ZFP64: variants seen among roughly 807,000 people sequenced by gnomAD.
The protein encoded by ZFP64 is zinc finger protein 64.
Under a neutral mutation model 51.6 loss-of-function variants are expected in ZFP64, and 14 were observed. The observed-to-expected ratio is 0.27, with a 90% CI of 0.18 to 0.42. The LOEUF (loss-of-function observed/expected upper bound fraction) is 0.42, where lower values mean the gene tolerates loss of function less well. Among genes scored for constraint, ZFP64 ranks in the 10% least tolerant of loss-of-function variants. The pLI is 1.00. For synonymous variants in ZFP64, 375 were observed against 361.4 expected, an observed-to-expected ratio of 1.04 and a Z score of -0.43; for missense variants, 754 against 906.8, an observed-to-expected ratio of 0.83 and a Z score of 2.16.
chr20:52,142,347 G>A (rs369853934), intron 5 of ZFP64, among the ~76,000 whole-genome samples: 10 of 128,808 alleles, frequency 7.8e-5, no homozygotes, highest in South Asian at 5.0e-4. Flanking sequence ...CAGCCTAGGC[G>A]ACAGAGTGAG....
intron 7 of ZFP64, among the ~76,000 whole-genome samples, chr20:52,090,364 G>C (rs767477663): frequency 6.6e-6 from 1 of 152,020 alleles, no homozygotes; most frequent in Non-Finnish European, 1.5e-5. Context: ...GAAGATAGTT[G>C]ATATATGACT....
intron 8 of ZFP64, among the ~76,000 whole-genome samples, chr20:52,087,435 A>G (rs1680668139): frequency 6.6e-6 from 1 of 152,042 alleles, no homozygotes; most frequent in Non-Finnish European, 1.5e-5. Flanking sequence ...TGTTCTCATT[A>G]TCTCTTCATA....
At chr20:52,095,486 G>A (rs1342101275) in intron 7 of ZFP64, among the ~76,000 whole-genome samples, 1 of 151,328 alleles carries the variant, frequency 6.6e-6, no homozygotes, top group Non-Finnish European at 1.5e-5. Context: ...TTGAGTCCCA[G>A]TAGTGACAAA....
intron 5 of ZFP64, among the ~76,000 whole-genome samples, chr20:52,112,465 T>G (rs1042248103): frequency 1.3e-5 from 2 of 152,238 alleles, no homozygotes; most frequent in Non-Finnish European, 2.9e-5. Context: ...AGAATTCCCA[T>G]GCTTTCATAG....
intron 5 of ZFP64, among the ~76,000 whole-genome samples, chr20:52,100,248 C>T (rs2079036238): frequency 6.7e-6 from 1 of 149,772 alleles, no homozygotes; most frequent in Non-Finnish European, 1.5e-5. Context: ...CTCGGCCTCC[C>T]AAAGTTTTTT....
At chr20:52,084,473 T>C (rs2078842409) in exon 9 of ZFP64, 2 of 1,353,008 alleles carry the variant, frequency 1.5e-6, no homozygotes, top group South Asian at 2.9e-5. Context: ...GCCCAAAGCC[T>C]GTCTCTCAGT....
At chr20:52,165,775 A>G in intron 3 of ZFP64, 89 bp downstream of exon 3, 1 of 1,549,060 alleles carries the variant, frequency 6.5e-7, no homozygotes, top group Non-Finnish European at 8.9e-7. Context: ...CACATCCATG[A>G]GCAGTTGTCA....
chr20:52,114,503 G>A (rs994977197), intron 5 of ZFP64, among the ~76,000 whole-genome samples: 2 of 152,194 alleles, frequency 1.3e-5, no homozygotes, highest in African/African-American at 4.8e-5. Context: ...ACATGGAAGG[G>A]ATGTTCCATC....
At chr20:52,166,951 C>A (rs951354490) in intron 2 of ZFP64, among the ~76,000 whole-genome samples, 2 of 149,802 alleles carry the variant, frequency 1.3e-5, no homozygotes, top group East Asian at 1.9e-4. Context: ...TATTTCCCCC[C>A]CTCAAAAAAT....
chr20:52,139,022 A>T (rs1833385294), intron 5 of ZFP64, among the ~76,000 whole-genome samples: 1 of 152,224 alleles, frequency 6.6e-6, no homozygotes, highest in African/African-American at 2.4e-5. Flanking sequence ...ACCATGAAAA[A>T]GTCAGAAAAC....
chr20:52,112,863 C>A (rs1218008456), intron 5 of ZFP64, among the ~76,000 whole-genome samples: 1 of 152,170 alleles, frequency 6.6e-6, no homozygotes, highest in East Asian at 1.9e-4. Flanking sequence ...GTGATCCTCC[C>A]ACCTCGGCCT....
rs1199089003 is a variant in ZFP64, at chr20:52,142,223, C to T, written c.763+17900G>A. On this transcript the variant is annotated intron_variant, in intron 5 of 8. Transcript: ENST00000361387. ...TCTCTACTAAAAATACAAAAATTAG[C>T]TGGGCATGGTGGCATGTGCCTGTGA... Among the ~76,000 whole-genome samples, 3 of 152,010 alleles carry T rather than the reference C, an allele frequency of 2.0e-5. No homozygotes were observed. The East Asian group carries it at 5.8e-4, about 29-fold the overall frequency.
intron 5 of ZFP64, chr20:52,104,647 G>A (rs1422032277): frequency 6.4e-6 from 3 of 469,714 alleles, no homozygotes; most frequent in East Asian, 7.0e-5. Flanking sequence ...CTCTTCCCCC[G>A]GGTACCTGCA....
intron 5 of ZFP64, among the ~76,000 whole-genome samples, chr20:52,121,987 C>A (rs905970480): frequency 1.3e-5 from 2 of 152,194 alleles, no homozygotes; most frequent in African/African-American, 4.8e-5. Context: ...GGCTGGATGA[C>A]AGCACCTCTG....
intron 5 of ZFP64, among the ~76,000 whole-genome samples, chr20:52,119,598 CAT>C (rs1979076356): frequency 8.9e-6 from 1 of 111,884 alleles, no homozygotes; most frequent in Non-Finnish European, 2.1e-5. Context: ...CACACACACA[CAT>C]ATAAACACAA....
At chr20:52,123,381 T>C (rs988260320) in intron 5 of ZFP64, among the ~76,000 whole-genome samples, 3 of 152,142 alleles carry the variant, frequency 2.0e-5, no homozygotes, top group Admixed American at 2.0e-4. Context: ...TACGGAGAAA[T>C]CTTTTGTGAC....
At chr20:52,141,254 T>C (rs1980241884) in intron 5 of ZFP64, among the ~76,000 whole-genome samples, 1 of 152,254 alleles carries the variant, frequency 6.6e-6, no homozygotes. Context: ...CCTTGAAGTC[T>C]TATTATTGAA....
Position 52,160,453 on chromosome 20 carries a change from A to G in ZFP64, c.512-79T>C. On this transcript the variant is annotated intron_variant, in intron 4 of 5. Coordinates refer to ENST00000216923, the MANE Select transcript of ZFP64 (RefSeq NM_018197.3). This position sits in a 1 kb window ranked among gnomAD's most constrained non-coding sequence, Gnocchi z 4.2. ...AAGGCTTATTTCCCACTGCCTTACG[A>G]AAAAAGTCATATACAACCACCGAAG... is the stretch of plus-strand genomic sequence containing the variant. The G allele has an allele frequency of 6.6e-7, 1 of 1,512,280 alleles. No homozygotes were observed. The highest frequency in any genetic ancestry group is 8.8e-7 in the Non-Finnish European group (1 of 1,135,178). 93.7% of individuals were successfully genotyped at this position (1,512,280 alleles called of 1,614,324 possible). A position where few individuals can be genotyped will look rare whatever the true frequency, so the allele number is the denominator to read the frequency against.
intron 7 of ZFP64, among the ~76,000 whole-genome samples, chr20:52,094,152 T>C (rs6068073): frequency 0.8 from 122,045 of 152,078 alleles, 49,651 homozygotes; most frequent in African/African-American, 0.94. Flanking sequence ...CTGTGGGGGA[T>C]AGTGGCATAT....
Sources: allele counts gnomAD v4.1 joint callset (sites outside exome capture counted in the v4.1 genomes callset), GRCh38; gene constraint gnomAD v4.1.1; non-coding constraint Gnocchi (gnomAD v3.1); transcripts MANE v1.5; gene names NCBI Gene and HGNC (gene_info 2026-07-23, HGNC 2026-07-21).